COL22A1: variants seen among roughly 807,000 people sequenced by gnomAD.
The protein encoded by COL22A1 is collagen type XXII alpha 1 chain.
Under a neutral mutation model 248.9 loss-of-function variants are expected in COL22A1, and 221 were observed. The observed-to-expected ratio is 0.89, with a 90% CI of 0.80 to 0.99. The LOEUF (loss-of-function observed/expected upper bound fraction) is 0.99, where lower values mean the gene tolerates loss of function less well. COL22A1 is among the 50% of genes least tolerant of loss of function. The probability of loss-of-function intolerance (pLI) is 0.00; values close to 1 mark genes in which losing one functional copy is unlikely to be tolerated. For synonymous variants in COL22A1, 891 were observed against 793.4 expected, an observed-to-expected ratio of 1.12 and a Z score of -2.07; for missense variants, 2,240 against 2,179.0, an observed-to-expected ratio of 1.03 and a Z score of -0.56.
In COL22A1 at chr8:138,882,973, ACAGT is replaced by A. The variant is rs1586958777; in HGVS notation, c.91+105_91+108del. ...ATTCCGGACTCTCCCTCTCTCTCAC[ACAGT>A]CAGTTGTGAACTCACTTGCATGCAC... On this transcript the variant is annotated intron_variant, in intron 2 of 64. Coordinates refer to ENST00000303045, the MANE Select transcript of COL22A1 (RefSeq NM_152888.3). The A allele has an allele frequency of 1.2e-5, 12 of 996,836 alleles. 1 individual carries two copies. The East Asian group carries it at 1.9e-4, about 16-fold the overall frequency. 61.7% of individuals were successfully genotyped at this position (996,836 alleles called of 1,614,324 possible).
chr8:138,882,767 C>A (rs539930547), intron 2 of COL22A1, among the ~76,000 whole-genome samples: 1 of 151,064 alleles, frequency 6.6e-6, no homozygotes, highest in South Asian at 2.1e-4. Flanking sequence ...CTCACTCCCT[C>A]GCACACTTCA....
At position 138,863,635 on chromosome 8, in the gene COL22A1, C is replaced by T. The variant is rs1317237418; in HGVS notation, c.658+14115G>A. Among the ~76,000 whole-genome samples the T allele has an allele frequency of 5.9e-5, 9 of 152,284 alleles. No homozygotes were observed. The East Asian group carries it at 7.7e-4, about 13-fold the overall frequency. On this transcript the variant is annotated intron_variant, in intron 3 of 64. Transcript: ENST00000303045. ...CCAGGAAGGAGGGGTGAGAACGCAA[C>T]GCGGAAGTGGGTGCGGGGAGCCTGC...
intron 45 of COL22A1, among the ~76,000 whole-genome samples, chr8:138,652,383 A>G (rs1450929740): frequency 6.6e-6 from 1 of 152,252 alleles, no homozygotes; most frequent in Admixed American, 6.5e-5. Context: ...GAGTGAAAGC[A>G]TAGTGACTTT....
intron 12 of COL22A1, 31 bp from the exon 13 acceptor site, chr8:138,781,011 T>TA (rs1814933761): frequency 6.6e-7 from 1 of 1,521,510 alleles, no homozygotes. Context: ...TAGCAATTAG[T>TA]AAAGAATAAC....
chr8:138,867,085 T>C (rs1277628883), intron 3 of COL22A1, among the ~76,000 whole-genome samples: 2 of 152,190 alleles, frequency 1.3e-5, no homozygotes. Flanking sequence ...CGATAGTAAA[T>C]AGCCTTTGGA....
chr8:138,623,506 C>A (rs576453720), intron 52 of COL22A1, among the ~76,000 whole-genome samples: 84 of 152,166 alleles, frequency 5.5e-4, no homozygotes, highest in African/African-American at 1.9e-3. Flanking sequence ...TGTCACCAGC[C>A]CATCATGTGA....
rs548817921 is a variant in COL22A1 at position 138,865,852 on chromosome 8, T to C, written c.658+11898A>G. The stretch of plus-strand genomic sequence containing the variant: ...GTGTGTATATGTATGCCTGTGAGTG[T>C]ACGTGTGTGTATGTTTGTATGCCTG... On this transcript the variant is annotated intron_variant, in intron 3 of 64. Coordinates refer to ENST00000303045, the MANE Select transcript of COL22A1 (RefSeq NM_152888.3). Among the ~76,000 whole-genome samples the C allele has an allele frequency of 1.8e-3, 267 of 151,886 alleles. 2 individuals are homozygous for C. The highest frequency in any genetic ancestry group is 5.9e-3 in the African/African-American group (245 of 41,424).
intron 45 of COL22A1, among the ~76,000 whole-genome samples, chr8:138,650,670 T>TTAGATAGATAGATAGATAGA (rs6150847): frequency 6.6e-6 from 1 of 151,032 alleles, no homozygotes; most frequent in African/African-American, 2.4e-5. Context: ...TCAAGAAAGA[T>TTAGATAGATAGATAGATAGA]TAGATAGATA....
chr8:138,838,361 C>T (rs1725781474), intron 4 of COL22A1, among the ~76,000 whole-genome samples: 2 of 152,010 alleles, frequency 1.3e-5, no homozygotes, highest in African/African-American at 4.8e-5. Flanking sequence ...TGAGGAGAGC[C>T]TAAGAGCTGG....
intron 9 of COL22A1, among the ~76,000 whole-genome samples, chr8:138,810,701 G>C (rs1818138756): frequency 6.6e-6 from 1 of 152,188 alleles, no homozygotes; most frequent in Non-Finnish European, 1.5e-5. Flanking sequence ...GGCTTTCTGG[G>C]TAGCACAAAA....
intron 30 of COL22A1, among the ~76,000 whole-genome samples, chr8:138,712,588 A>G (rs1394766600): frequency 6.8e-5 from 1 of 14,608 alleles, no homozygotes; most frequent in African/African-American, 1.6e-4. Context: ...GGGTTCTACC[A>G]GCAGAGAGCA....
chr8:138,861,191 G>T (rs572596127), intron 3 of COL22A1, among the ~76,000 whole-genome samples: 2 of 152,300 alleles, frequency 1.3e-5, no homozygotes, highest in South Asian at 2.1e-4. Flanking sequence ...CTCCTGCTGG[G>T]ACAGGGGCCT....
At chr8:138,790,881 A>C (rs546304590) in intron 12 of COL22A1, among the ~76,000 whole-genome samples, 87 of 151,804 alleles carry the variant, frequency 5.7e-4, no homozygotes, top group African/African-American at 1.9e-3. Context: ...ATTTACTCTT[A>C]AGAGTTAATC....
At chr8:138,796,901 C>T (rs760966123) in intron 11 of COL22A1, 44 bp from the exon 12 acceptor site, 4 of 1,256,422 alleles carry the variant, frequency 3.2e-6, no homozygotes, top group South Asian at 2.4e-5. Context: ...AGAGCATCTC[C>T]ATGGCATGAC....
intron 3 of COL22A1, among the ~76,000 whole-genome samples, chr8:138,865,971 ATGTG>A (rs766186120): frequency 1.1e-4 from 16 of 150,332 alleles, no homozygotes; most frequent in Non-Finnish European, 1.9e-4. Flanking sequence ...GTGTGAGTAT[ATGTG>A]TGTGTGTGTT....
At chr8:138,893,660 A>C (rs1825211376) in intron 1 of COL22A1, among the ~76,000 whole-genome samples, 1 of 152,182 alleles carries the variant, frequency 6.6e-6, no homozygotes, top group Non-Finnish European at 1.5e-5. Flanking sequence ...TCAAGGGGAG[A>C]TGTGTTCATC....
chr8:138,887,900 G>A (rs1282332614), intron 1 of COL22A1, among the ~76,000 whole-genome samples: 1 of 152,164 alleles, frequency 6.6e-6, no homozygotes, highest in Non-Finnish European at 1.5e-5. Context: ...TTAGCATTGA[G>A]TATTATCACT....
At chr8:138,704,452 CATTTGCTGTTCTGCAAT>C (rs927726717) in intron 30 of COL22A1, among the ~76,000 whole-genome samples, 1 of 152,218 alleles carries the variant, frequency 6.6e-6, no homozygotes, top group Admixed American at 6.5e-5. Flanking sequence ...CAGGCAGCAA[CATTTGCTGTTCTGCAAT>C]ATTTGCTGTT....
At chr8:138,615,718 C>T (rs1179004217) in intron 55 of COL22A1, among the ~76,000 whole-genome samples, 1 of 151,982 alleles carries the variant, frequency 6.6e-6, no homozygotes, top group Non-Finnish European at 1.5e-5. Flanking sequence ...CTCTGAAATG[C>T]CTCTCAAGTC....
Sources: allele counts gnomAD v4.1 joint callset (sites outside exome capture counted in the v4.1 genomes callset), GRCh38; gene constraint gnomAD v4.1.1; transcripts MANE v1.5; gene names NCBI Gene and HGNC (gene_info 2026-07-23, HGNC 2026-07-21).